Variants in SPTSSB observed in about 807,000 individuals in gnomAD.
SPTSSB encodes serine palmitoyltransferase small subunit B.
SPTSSB carries 6 observed loss-of-function variants against 7.7 expected under a neutral mutation model. The observed-to-expected ratio is 0.78, with a 90% CI of 0.43 to 1.54. SPTSSB has a LOEUF of 1.54. SPTSSB is among the 40% of genes most tolerant of loss of function. SPTSSB has a pLI of 0.01. For missense variants in SPTSSB, 91 were observed against 93.0 expected (o/e 0.98, Z 0.09); for synonymous variants, 28 against 29.7 (o/e 0.94, Z 0.19).
intron 1 of SPTSSB, among the ~76,000 whole-genome samples, chr3:161,370,297 C>A (rs1465507831): frequency 1.3e-5 from 2 of 152,110 alleles, no homozygotes; most frequent in Non-Finnish European, 2.9e-5. Flanking sequence ...AATGACCATG[C>A]TTTGTTTTGA....
At chr3:161,355,472 T>C (rs1465284743) in intron 2 of SPTSSB, among the ~76,000 whole-genome samples, 1 of 152,200 alleles carries the variant, frequency 6.6e-6, no homozygotes, top group Non-Finnish European at 1.5e-5. Flanking sequence ...GACAAATGGA[T>C]GGAAAAATAA....
At chr3:161,360,265 T>G (rs1714951887) in intron 1 of SPTSSB, among the ~76,000 whole-genome samples, 2 of 152,208 alleles carry the variant, frequency 1.3e-5, no homozygotes, top group Non-Finnish European at 2.9e-5. Context: ...AGATTTTGTT[T>G]GTAGAAAATA....
chr3:161,347,653 T>C (rs62279921), intron 2 of SPTSSB, among the ~76,000 whole-genome samples: 96,794 of 151,734 alleles, frequency 0.64, 33,082 homozygotes, highest in East Asian at 0.96. Flanking sequence ...AGGCGGATCA[T>C]CTGGGGCCTG....
intron 1 of SPTSSB, among the ~76,000 whole-genome samples, chr3:161,368,210 C>A (rs1412651425): frequency 1.3e-5 from 2 of 152,086 alleles, no homozygotes; most frequent in African/African-American, 4.8e-5. Flanking sequence ...AGTTTTAAAC[C>A]CATTTGTTCT....
intron 1 of SPTSSB, among the ~76,000 whole-genome samples, chr3:161,369,595 G>A (rs1715418593): frequency 6.6e-6 from 1 of 151,516 alleles, no homozygotes. Context: ...TGTTCTTGTT[G>A]TTGAGTTCTT....
intron 2 of SPTSSB, among the ~76,000 whole-genome samples, chr3:161,354,783 C>A (rs1209828907): frequency 6.6e-6 from 1 of 152,204 alleles, no homozygotes; most frequent in Non-Finnish European, 1.5e-5. Context: ...AATTTCAAGG[C>A]AGTCCTATTT....
chr3:161,349,710 G>A (rs538895017), intron 2 of SPTSSB, among the ~76,000 whole-genome samples: 2 of 152,346 alleles, frequency 1.3e-5, no homozygotes, highest in African/African-American at 4.8e-5. Context: ...GCTTCAGGCA[G>A]GGGTACAGTG....
rs1311782267 is a variant in SPTSSB at position 161,362,495 on chromosome 3, G to A, written c.-125-2601C>T. ...CTAAAAATCAAATTTGTACTCCACA[G>A]CATTGATTATTTTAGACTCATTCCC... On this transcript the variant is annotated intron_variant, in intron 1 of 2. Transcript: ENST00000620149. Among the ~76,000 whole-genome samples the A allele has an allele frequency of 2.6e-5, 4 of 151,950 alleles. No homozygotes were observed. In the East Asian group the frequency reaches 7.7e-4, roughly 29 times the overall value.
At chr3:161,350,386 G>A (rs1714473016) in intron 2 of SPTSSB, among the ~76,000 whole-genome samples, 1 of 152,158 alleles carries the variant, frequency 6.6e-6, no homozygotes, top group Non-Finnish European at 1.5e-5. Flanking sequence ...GGAAAAAAAA[G>A]ACTTAGTACA....
At chr3:161,359,513 G>A (rs998264548) in intron 2 of SPTSSB, 1 of 158,580 alleles carries the variant, frequency 6.3e-6, no homozygotes, top group Non-Finnish European at 1.4e-5. Context: ...GACTTGGGGG[G>A]AGGGTCCTAT....
chr3:161,347,702 T>C (rs569137249), intron 2 of SPTSSB, among the ~76,000 whole-genome samples: 126 of 152,126 alleles, frequency 8.3e-4, no homozygotes, highest in African/African-American at 2.6e-3. Flanking sequence ...TGAAACCCTG[T>C]CTGTACTAAA....
At chr3:161,370,491 G>A (rs1044202639) in intron 1 of SPTSSB, among the ~76,000 whole-genome samples, 1 of 152,176 alleles carries the variant, frequency 6.6e-6, no homozygotes, top group Non-Finnish European at 1.5e-5. Context: ...TAATTCAGAT[G>A]TGGAAATCAA....
chr3:161,363,035 A>G (rs1318307891), intron 1 of SPTSSB, among the ~76,000 whole-genome samples: 1 of 151,946 alleles, frequency 6.6e-6, no homozygotes, highest in Non-Finnish European at 1.5e-5. Flanking sequence ...TCATTTTAAA[A>G]TAAGGTGTCA....
At position 161,351,613 on chromosome 3, in the gene SPTSSB, AAGAG is replaced by A. The variant is rs558236612; in HGVS notation, c.-32-5262_-32-5259del. Reference sequence around the variant, plus strand: ...ATACACACACAGAGAGAGAGAGAGAAAGAGAGAGAGAGTCATATAACTGAAACAA... The same window carrying A: ...ATACACACACAGAGAGAGAGAGAGAAAGAGAGAGTCATATAACTGAAACAA... On this transcript the variant is annotated intron_variant, in intron 2 of 2. Coordinates refer to ENST00000620149, the MANE Select transcript of SPTSSB (RefSeq NM_001040100.2). Among the ~76,000 whole-genome samples the A allele has an allele frequency of 1.9e-4, 28 of 146,342 alleles. 1 individual carries two copies. The highest frequency in any genetic ancestry group is 1.1e-3 in the South Asian group (5 of 4,614).
chr3:161,371,459 C>A lies in SPTSSB; in HGVS notation c.-150G>T. 2 of 985,448 alleles carry A rather than the reference C, an allele frequency of 2.0e-6. No homozygotes were observed. The highest frequency in any genetic ancestry group is 2.4e-6 in the Non-Finnish European group (2 of 829,972). The allele number at this position is 985,448 out of a possible 1,614,324, so 61.0% of individuals were successfully genotyped here. A position where few individuals can be genotyped will look rare whatever the true frequency, so the allele number is the denominator to read the frequency against. On this transcript the variant is annotated 5_prime_UTR_variant, in exon 1 of 3. Coordinates refer to ENST00000620149, the MANE Select transcript of SPTSSB (RefSeq NM_001040100.2). Reference sequence around the variant, plus strand: ...CCTCCCAGTTGGGTGTATCTCCCTGCGGCTTAGGTGAGCGCCGAGGCTTTG... The same window carrying A: ...CCTCCCAGTTGGGTGTATCTCCCTGAGGCTTAGGTGAGCGCCGAGGCTTTG...
chr3:161,370,961 A>G (rs896991727), intron 1 of SPTSSB, among the ~76,000 whole-genome samples: 1 of 152,238 alleles, frequency 6.6e-6, no homozygotes, highest in Non-Finnish European at 1.5e-5. Context: ...AGAATGTTAA[A>G]ATGTATTCCT....
At chr3:161,367,702 C>T (rs1390519165) in intron 1 of SPTSSB, among the ~76,000 whole-genome samples, 2 of 152,336 alleles carry the variant, frequency 1.3e-5, no homozygotes, top group South Asian at 2.1e-4. Context: ...TGTTAGTATG[C>T]TGTGAAGACT....
intron 1 of SPTSSB, among the ~76,000 whole-genome samples, chr3:161,367,019 C>T (rs1426352348): frequency 6.6e-6 from 1 of 151,948 alleles, no homozygotes; most frequent in African/African-American, 2.4e-5. Context: ...TACTAAAATA[C>T]AAGAAAATTT....
At chr3:161,346,987 T>C (rs191372253) in intron 2 of SPTSSB, among the ~76,000 whole-genome samples, 20 of 152,272 alleles carry the variant, frequency 1.3e-4, no homozygotes, top group Non-Finnish European at 1.2e-4. Flanking sequence ...CTTCAACCTC[T>C]GAGTTAGGGC....
Sources: allele counts gnomAD v4.1 joint callset (sites outside exome capture counted in the v4.1 genomes callset), GRCh38; gene constraint gnomAD v4.1.1; transcripts MANE v1.5; gene names NCBI Gene and HGNC (gene_info 2026-07-23, HGNC 2026-07-21).